Variants in CADPS observed in about 807,000 individuals in gnomAD.
The protein encoded by CADPS is calcium dependent secretion activator.
CADPS carries 57 observed loss-of-function variants against 167.3 expected under a neutral mutation model. The observed-to-expected ratio is 0.34, with a 90% CI of 0.28 to 0.42. The LOEUF is 0.42. Among genes scored for constraint, CADPS ranks in the 20% least tolerant of loss-of-function variants. The pLI is 1.00. For synonymous variants in CADPS, 676 were observed against 635.3 expected, an observed-to-expected ratio of 1.06 and a Z score of -0.96; for missense variants, 1,414 against 1,738.1, an observed-to-expected ratio of 0.81 and a Z score of 3.32.
Position 62,651,074 on chromosome 3 carries a change from T to C in CADPS, c.976A>G (p.Lys326Glu). 1 of 1,611,718 alleles carries C rather than the reference T, an allele frequency of 6.2e-7. No homozygotes were observed. The highest frequency in any genetic ancestry group is 8.5e-7 in the Non-Finnish European group (1 of 1,178,284). ...QMADQIARERKFPKFVSKEME... is the reference protein window; with the variant it reads ...QMADQIAREREFPKFVSKEME... Reference sequence around the variant, plus strand: ...TCTTTGGATACAAACTTGGGAAATTTGCGTTCCTTGGGAAGAAAAAGAAAA... The same window carrying C: ...TCTTTGGATACAAACTTGGGAAATTCGCGTTCCTTGGGAAGAAAAAGAAAA... The change falls in exon 5 of 30, where the codon AAA becomes GAA. Residue 326 changes from lysine (K) to glutamate (E), a missense_variant. Around this residue, in one of 6 missense-constraint regions of CADPS, gnomAD observed 522 missense variants for 559.5 expected, o/e 0.93. Transcript: ENST00000383710.
In CADPS at chr3:62,420,903, G is replaced by T. The variant is rs144014875; in HGVS notation, c.3777+17201C>A. 2.1e-4 allele frequency among the ~76,000 whole-genome samples: 12 copies of T among 56,360 alleles called. No individual in the cohort carries two copies. Among genetic ancestry groups the T allele is most frequent in the African/African-American group, 1.0e-3 (11 of 10,722 alleles). 37.0% of individuals were successfully genotyped at this position (56,360 alleles called of 152,430 possible). A position where few individuals can be genotyped will look rare whatever the true frequency, so the allele number is the denominator to read the frequency against. On this transcript the variant is annotated intron_variant, in intron 28 of 29. Coordinates refer to ENST00000383710, the MANE Select transcript of CADPS (RefSeq NM_003716.4). This position sits in a 1 kb window ranked among gnomAD's most constrained non-coding sequence, Gnocchi z 4.1. The stretch of plus-strand genomic sequence containing the variant: ...ACACACACACACACACACACACACA[G>T]GCACACACACACACACTTGCCAGAT...
chr3:62,850,960 G>A (rs1337536803), intron 1 of CADPS, among the ~76,000 whole-genome samples: 1 of 150,730 alleles, frequency 6.6e-6, no homozygotes, highest in African/African-American at 2.5e-5. Context: ...GGGTGCTCCT[G>A]TATTGGGTGC....
intron 3 of CADPS, among the ~76,000 whole-genome samples, chr3:62,699,317 G>A (rs1369193507): frequency 6.6e-6 from 1 of 151,614 alleles, no homozygotes; most frequent in Non-Finnish European, 1.5e-5. Context: ...GATTACCGGC[G>A]TGAGCCACTG....
rs1705117672 is a variant in CADPS at position 62,399,592 on chromosome 3, A to G, written c.3883-7T>C. 6.2e-7 allele frequency: 1 copy of G among 1,612,056 alleles called. No homozygotes were observed. Among genetic ancestry groups the G allele is most frequent in the Non-Finnish European group, 8.5e-7 (1 of 1,178,774 alleles). On this transcript the variant is annotated splice_polypyrimidine_tract_variant and splice_region_variant and intron_variant, in intron 29 of 29. Coordinates refer to ENST00000383710, the MANE Select transcript of CADPS (RefSeq NM_003716.4). This position sits in a 1 kb window ranked among gnomAD's most constrained non-coding sequence, Gnocchi z 5.6. ...GGAAATCTCTGTAGGTTTTCTAAGGAAGGAAAAGATACAGTGATAAGAGAG... is the reference window on the plus strand; with the variant it reads ...GGAAATCTCTGTAGGTTTTCTAAGGGAGGAAAAGATACAGTGATAAGAGAG...
chr3:62,538,805 C>T (rs972121411), intron 11 of CADPS, among the ~76,000 whole-genome samples: 1 of 152,134 alleles, frequency 6.6e-6, no homozygotes, highest in Admixed American at 6.6e-5. Flanking sequence ...CTCTTGAAAA[C>T]TTTGCTGATG....
chr3:62,405,974 A>G (rs1370136467), intron 28 of CADPS, among the ~76,000 whole-genome samples: 1 of 152,192 alleles, frequency 6.6e-6, no homozygotes, highest in Non-Finnish European at 1.5e-5. Context: ...TATCTGTTGT[A>G]GAGGAGGAAA....
rs760585612 is a variant in CADPS, at chr3:62,650,862, C to T, written c.1188G>A (p.Leu396=). The T allele has an allele frequency of 1.2e-5, 20 of 1,613,714 alleles. No homozygotes were observed. Among genetic ancestry groups the T allele is most frequent in the Middle Eastern group, 1.6e-4 (1 of 6,082 alleles). ...GGCTTTTTACCTCCAATGAGAAAGACAGCACGACATCTGACTTGGAGAGCT... is the reference window on the plus strand; with the variant it reads ...GGCTTTTTACCTCCAATGAGAAAGATAGCACGACATCTGACTTGGAGAGCT... ...ENQLSKSDVV[L]SFSLEVVIME... is the part of the protein sequence containing the mutation. The change falls in exon 5 of 30, where the codon CTG becomes CTA. Residue 396 remains leucine, a synonymous_variant. Transcript: ENST00000383710.
intron 3 of CADPS, among the ~76,000 whole-genome samples, chr3:62,751,933 A>G (rs1226322117): frequency 2.0e-5 from 3 of 152,236 alleles, no homozygotes; most frequent in Non-Finnish European, 4.4e-5. Context: ...AAGAAATGGC[A>G]TAACAATGGA....
At chr3:62,466,177 A>T (rs961761283) in intron 25 of CADPS, among the ~76,000 whole-genome samples, 162 bp downstream of exon 25, 11 of 152,200 alleles carry the variant, frequency 7.2e-5, no homozygotes, top group Admixed American at 3.3e-4. Flanking sequence ...GCTCGAGATC[A>T]TCGGAAAATC....
rs749222603 is a variant in CADPS at position 62,532,857 on chromosome 3, G to A, written c.2291+14C>T. On this transcript the variant is annotated intron_variant, in intron 13 of 29. Coordinates refer to ENST00000383710, the MANE Select transcript of CADPS (RefSeq NM_003716.4). ...TCTTAAGGATCACCTCTAGACACAC[G>A]AACACACACTTACCTGTTCCCATGG... The A allele has an allele frequency of 4.3e-6, 7 of 1,611,674 alleles. No individual in the cohort carries two copies. In the Admixed American group the frequency reaches 5.0e-5, roughly 12 times the overall value.
At chr3:62,597,160 G>C (rs758674117) in intron 6 of CADPS, among the ~76,000 whole-genome samples, 11 of 152,014 alleles carry the variant, frequency 7.2e-5, no homozygotes, top group Non-Finnish European at 1.0e-4. Flanking sequence ...AAAGACCCAG[G>C]CTTTTTATTT....
intron 1 of CADPS, among the ~76,000 whole-genome samples, chr3:62,793,780 C>T (rs537301723): frequency 5.3e-5 from 8 of 152,264 alleles, no homozygotes; most frequent in African/African-American, 1.9e-4. Flanking sequence ...TGTGTACGTG[C>T]GTGCACATGT....
At position 62,678,598 on chromosome 3, in the gene CADPS, C is replaced by G. The variant is rs546297887; in HGVS notation, c.889-16204G>C. ...AGAACATCTTAAGCCAGTTTCTCTTCCCTGATAAGTGAGGGAGAAGTTGAG... is the reference window on the plus strand; with the variant it reads ...AGAACATCTTAAGCCAGTTTCTCTTGCCTGATAAGTGAGGGAGAAGTTGAG... On this transcript the variant is annotated intron_variant, in intron 3 of 29. Coordinates refer to ENST00000383710, the MANE Select transcript of CADPS (RefSeq NM_003716.4). 2.6e-5 allele frequency among the ~76,000 whole-genome samples: 4 copies of G among 152,168 alleles called. No homozygotes were observed. The South Asian group carries it at 8.3e-4, about 32-fold the overall frequency.
intron 26 of CADPS, among the ~76,000 whole-genome samples, chr3:62,450,223 T>C (rs2057839327): frequency 6.6e-6 from 1 of 152,200 alleles, no homozygotes; most frequent in Admixed American, 6.5e-5. Flanking sequence ...TGACACCCTA[T>C]GCACTGAGAA....
At chr3:62,474,398 G>A in intron 23 of CADPS, 78 bp from the exon 24 acceptor site, 1 of 1,365,726 alleles carries the variant, frequency 7.3e-7, no homozygotes, top group East Asian at 2.3e-5. Flanking sequence ...TGAGAGGTCA[G>A]TGAAAAAGAA....
At chr3:62,700,743 G>T (rs931613947) in intron 3 of CADPS, among the ~76,000 whole-genome samples, 2 of 152,094 alleles carry the variant, frequency 1.3e-5, no homozygotes, top group Non-Finnish European at 2.9e-5. Flanking sequence ...GTTTAGGGCT[G>T]GGAAAACTGA....
chr3:62,591,397 G>T (rs1022396165), intron 7 of CADPS, among the ~76,000 whole-genome samples: 1 of 152,186 alleles, frequency 6.6e-6, no homozygotes, highest in Non-Finnish European at 1.5e-5. Flanking sequence ...CCAAGGAGGT[G>T]GCATTTATGC....
intron 1 of CADPS, among the ~76,000 whole-genome samples, chr3:62,813,457 A>G (rs921867604): frequency 3.2e-4 from 48 of 152,162 alleles, no homozygotes; most frequent in Non-Finnish European, 1.2e-4. Flanking sequence ...ATATATAAAA[A>G]TAAACTCGAG....
At chr3:62,752,150 G>T (rs1386309096) in intron 3 of CADPS, among the ~76,000 whole-genome samples, 1 of 152,162 alleles carries the variant, frequency 6.6e-6, no homozygotes, top group Non-Finnish European at 1.5e-5. Flanking sequence ...TGGAAATGCT[G>T]GTGGAGGTGA....
Sources: gnomAD v4.1 joint callset for allele counts (sites outside exome capture counted in the v4.1 genomes callset) on GRCh38, gnomAD v4.1.1 for gene constraint, gnomAD v4.1.1 regional missense constraint, Gnocchi (gnomAD v3.1) non-coding constraint, MANE v1.5 for transcripts, NCBI Gene and HGNC (gene_info 2026-07-23, HGNC 2026-07-21) for gene names.